Variants in GLS2 observed in about 807,000 individuals in gnomAD.
GLS2 encodes glutaminase liver isoform, mitochondrial.
A neutral mutation model predicts 79.0 loss-of-function variants in GLS2; 52 were observed. That is an observed-to-expected ratio of 0.66 (90% CI 0.53 to 0.83). GLS2 has a LOEUF of 0.83. GLS2 is among the 40% of genes least tolerant of loss of function. The pLI, the probability that GLS2 is intolerant of heterozygous loss-of-function variation, is 0.00. For synonymous variants in GLS2, 238 were observed against 280.8 expected (o/e 0.85, Z 1.52); for missense variants, 561 against 764.8 (o/e 0.73, Z 3.14).
intron 1 of GLS2, among the ~76,000 whole-genome samples, chr12:56,481,376 T>C (rs1020350746): frequency 6.6e-6 from 1 of 151,440 alleles, no homozygotes; most frequent in African/African-American, 2.4e-5. Flanking sequence ...TGGCTAATTT[T>C]TTTGTATTTT....
intron 12 of GLS2, chr12:56,473,838 C>A: frequency 4.6e-6 from 2 of 430,612 alleles, no homozygotes; most frequent in Non-Finnish European, 8.1e-6. Flanking sequence ...TGTGCTAGAA[C>A]TAGGAACTTC....
chr12:56,478,800 CT>C (rs1481632339), intron 4 of GLS2: 1 of 390,948 alleles, frequency 2.6e-6, no homozygotes, highest in African/African-American at 2.1e-5. Context: ...CGAGACCAGC[CT>C]GGCCAATATG....
rs752172811 is a variant in GLS2, at chr12:56,479,888, G to A, written c.296C>T (p.Thr99Ile). The change falls in exon 3 of 18, where the codon ACT (threonine) becomes ATT (isoleucine). Residue 99 changes from threonine (T) to isoleucine (I), a missense_variant. Thr to Ile is a moderately conservative substitution (Grantham distance 89). Transcript: ENST00000311966. The stretch of plus-strand genomic sequence containing the variant: ...CCGAGGATCTGATGTCTGCAGTCCA[G>A]TGGCCTTTAGTGCCTTTAGAGGAAA... The part of the protein sequence containing the change: ...IHKFTTALKA[T>I]GLQTSDPRLR... 1.4e-5 allele frequency: 23 copies of A among 1,613,232 alleles called. 1 individual carries two copies. In the Admixed American group the frequency reaches 3.8e-4, roughly 27 times the overall value.
chr12:56,473,649 T>G (rs1869517265), intron 12 of GLS2, 55 bp from the exon 13 acceptor site: 1 of 1,563,510 alleles, frequency 6.4e-7, no homozygotes, highest in Non-Finnish European at 8.7e-7. Flanking sequence ...AATCAGAAAA[T>G]AAACAAGTTA....
Position 56,479,829 on chromosome 12 carries a change from C to T in GLS2, c.355G>A (p.Val119Ile), listed in dbSNP as rs1161453087. 1 of 1,612,190 alleles carries T rather than the reference C, an allele frequency of 6.2e-7. No individual in the cohort carries two copies. Among genetic ancestry groups the T allele is most frequent in the Non-Finnish European group, 8.5e-7 (1 of 1,179,946 alleles). ...AGGCCACCACTACTGGACTCTTGGA[C>T]CACGCGGTGCATCTCGCTCATGCAG... ...RDCMSEMHRV[V>I]QESSSGGLLD... Residue 119 changes from valine (V) to isoleucine (I), a missense_variant, in exon 3 of 18, where the codon GTC (valine) becomes ATC (isoleucine). By Grantham distance (29) the Val-to-Ile change is conservative. Transcript: ENST00000311966.
intron 1 of GLS2, among the ~76,000 whole-genome samples, chr12:56,483,270 A>G (rs2136194218): frequency 6.6e-6 from 1 of 151,394 alleles, no homozygotes; most frequent in Non-Finnish European, 1.5e-5. Context: ...TAGTAGAGAC[A>G]GGGTTTCACC....
intron 1 of GLS2, among the ~76,000 whole-genome samples, chr12:56,481,813 C>T (rs1229424819): frequency 6.6e-6 from 1 of 151,508 alleles, no homozygotes; most frequent in East Asian, 1.9e-4. Context: ...ATTGCTTGAA[C>T]CCAGGAGTCA....
intron 12 of GLS2, 39 bp from the exon 13 acceptor site, chr12:56,473,633 G>C: frequency 2.5e-6 from 4 of 1,575,606 alleles, no homozygotes; most frequent in Non-Finnish European, 3.5e-6. Context: ...AAGTGGGTGT[G>C]CCCCAAATCA....
intron 1 of GLS2, among the ~76,000 whole-genome samples, chr12:56,480,729 T>C (rs1870212948): frequency 6.6e-6 from 1 of 152,196 alleles, no homozygotes; most frequent in South Asian, 2.1e-4. Context: ...TTAACAGCAT[T>C]ACCACCCACC....
At chr12:56,487,113 G>C (rs767317480) in intron 1 of GLS2, among the ~76,000 whole-genome samples, 18 of 152,146 alleles carry the variant, frequency 1.2e-4, no homozygotes, top group Non-Finnish European at 2.6e-4. Context: ...GGGGCTCTTT[G>C]GACAGTGTCT....
intron 1 of GLS2, among the ~76,000 whole-genome samples, chr12:56,481,269 G>A (rs111550645): frequency 0.011 from 1,537 of 139,638 alleles, 22 homozygotes; most frequent in African/African-American, 0.037. Flanking sequence ...GCAATGGCGC[G>A]ATCTCGGCTC....
rs754774144 is a variant in GLS2 at position 56,471,869 on chromosome 12, C to T, written c.1589-33G>A. 35 of 1,606,496 alleles carry T rather than the reference C, an allele frequency of 2.2e-5. No homozygotes were observed. The Admixed American group carries it at 2.5e-4, about 11-fold the overall frequency. On this transcript the variant is annotated intron_variant, in intron 16 of 17. Transcript: ENST00000311966. ...TATGGGCAGAAGGAAAATGAGAAGG[C>T]GCAGGTCTTGAACCCTTTGGTGCAG...
In GLS2 at chr12:56,488,055, C is replaced by T. The variant is rs898388380; in HGVS notation, c.64G>A (p.Gly22Ser). 36 of 1,585,518 alleles carry T rather than the reference C, an allele frequency of 2.3e-5. No homozygotes were observed. Among genetic ancestry groups the T allele is most frequent in the Admixed American group, 3.5e-5 (2 of 57,936 alleles). ...GGGCTCCGGCTCGGGTGACCCCAGC[C>T]TCCTCGCCCGCAGTGACTGCCAGCC... ...SRAGSHCGRG[G>S]WGHPSRSPLL... Residue 22 changes from glycine (G) to serine (S), a missense_variant, in exon 1 of 18, where the codon GGC becomes AGC. By Grantham distance (56) the Gly-to-Ser change is moderately conservative (BLOSUM62 0). This residue lies in a region of GLS2 where 161 missense variants were observed against 167.8 expected (regional missense o/e 0.96). Coordinates refer to ENST00000311966, the MANE Select transcript of GLS2 (RefSeq NM_013267.4).
intron 1 of GLS2, 22 bp downstream of exon 1, chr12:56,487,915 T>C: frequency 6.3e-7 from 1 of 1,598,772 alleles, no homozygotes; most frequent in South Asian, 1.1e-5. Flanking sequence ...GCCCGTCCCC[T>C]GCCCTGTCCC....
At chr12:56,485,597 T>C (rs938511511) in intron 1 of GLS2, among the ~76,000 whole-genome samples, 1 of 152,122 alleles carries the variant, frequency 6.6e-6, no homozygotes, top group Non-Finnish European at 1.5e-5. Flanking sequence ...TGAAACATAA[T>C]TGTACACATG....
At chr12:56,472,288 G>T in intron 15 of GLS2, 93 bp from the exon 16 acceptor site, 1 of 1,196,098 alleles carries the variant, frequency 8.4e-7, no homozygotes, top group Non-Finnish European at 1.2e-6. Flanking sequence ...ATGAGTTTCA[G>T]AGAAAGTGAA....
chr12:56,487,568 T>C (rs2657877), intron 1 of GLS2: 300,621 of 308,478 alleles, frequency 0.97, 146,970 homozygotes, highest in East Asian at 1. Flanking sequence ...CTGTTCCACA[T>C]CCACGCATCT....
intron 15 of GLS2, 72 bp from the exon 16 acceptor site, chr12:56,472,267 T>G (rs1869352300): frequency 2.9e-6 from 4 of 1,368,824 alleles, no homozygotes; most frequent in Non-Finnish European, 4.2e-6. Flanking sequence ...TGTGAACTGG[T>G]GTCAGACTGG....
At position 56,473,559 on chromosome 12, in the gene GLS2, G is replaced by A. The variant is rs1339256664; in HGVS notation, c.1260C>T (p.Ala420=). ...GLPAKSAVSG[A]ILLVVPNVMG... ...TGACATTGGGTACCACCAGGAGGAT[G>A]GCTCCTGATACAGCTGACTTGGCTG... Residue 420 remains alanine, a synonymous_variant, in exon 13 of 18, where the codon GCC becomes GCT. Transcript: ENST00000311966. 1.2e-6 allele frequency: 2 copies of A among 1,612,962 alleles called. No homozygotes were observed. The highest frequency in any genetic ancestry group is 1.1e-5 in the South Asian group (1 of 91,012).
Sources: allele counts gnomAD v4.1 joint callset (sites outside exome capture counted in the v4.1 genomes callset), GRCh38; gene constraint gnomAD v4.1.1; regional missense constraint gnomAD v4.1.1; transcripts MANE v1.5; gene names NCBI Gene and HGNC (gene_info 2026-07-23, HGNC 2026-07-21).